SRGAP3: variants seen among roughly 807,000 people sequenced by gnomAD.
The protein encoded by SRGAP3 is SLIT-ROBO Rho GTPase activating protein 3.
SRGAP3 carries 39 observed loss-of-function variants against 121.1 expected under a neutral mutation model. That is an observed-to-expected ratio of 0.32 (90% CI 0.25 to 0.42). The LOEUF (loss-of-function observed/expected upper bound fraction) is 0.42, where lower values mean the gene tolerates loss of function less well. Ranked by LOEUF, SRGAP3 falls within the 10% of genes least tolerant of loss-of-function variation. The pLI is 1.00. For missense variants in SRGAP3, 1,213 were observed against 1,470.6 expected, an observed-to-expected ratio of 0.82 and a Z score of 2.86; for synonymous variants, 601 against 570.0, an observed-to-expected ratio of 1.05 and a Z score of -0.77.
intron 14 of SRGAP3, among the ~76,000 whole-genome samples, chr3:9,022,055 G>A (rs562408399): frequency 7.2e-5 from 11 of 152,354 alleles, no homozygotes; most frequent in South Asian, 2.1e-4. Context: ...CTGGCCAGGC[G>A]CAGTGGCTCA....
At chr3:9,044,213 T>C (rs1945147661) in intron 10 of SRGAP3, among the ~76,000 whole-genome samples, 1 of 152,166 alleles carries the variant, frequency 6.6e-6, no homozygotes. Flanking sequence ...GTCAAAAGAG[T>C]ACAGCAGTCC....
At chr3:9,052,977 T>G in intron 9 of SRGAP3, 50 bp downstream of exon 9, 1 of 1,610,408 alleles carries the variant, frequency 6.2e-7, no homozygotes. Context: ...GAAAAGTCAC[T>G]GCCAGTGGCT....
At chr3:9,119,582 A>G (rs1226083754) in intron 2 of SRGAP3, among the ~76,000 whole-genome samples, 1 of 152,142 alleles carries the variant, frequency 6.6e-6, no homozygotes, top group Non-Finnish European at 1.5e-5. Flanking sequence ...CACTCCTCCA[A>G]TGATAGGAGG....
intron 1 of SRGAP3, 54 bp downstream of exon 1, chr3:9,248,831 C>A: frequency 2.5e-6 from 4 of 1,575,712 alleles, no homozygotes; most frequent in Non-Finnish European, 3.5e-6. Flanking sequence ...GGAACCAGAA[C>A]AAGAGAAAAA....
intron 3 of SRGAP3, among the ~76,000 whole-genome samples, chr3:9,102,852 C>T (rs1421607463): frequency 6.6e-6 from 1 of 152,144 alleles, no homozygotes; most frequent in African/African-American, 2.4e-5. Context: ...GAAAAAAGAC[C>T]CTTCATTTCC....
At position 9,239,849 on chromosome 3, in the gene SRGAP3, A is replaced by T. The variant is rs1953559741; in HGVS notation, c.67+9036T>A. Among the ~76,000 whole-genome samples, 1 of 152,238 alleles carries T rather than the reference A, an allele frequency of 6.6e-6. No individual in the cohort carries two copies. The highest frequency in any genetic ancestry group is 1.5e-5 in the Non-Finnish European group (1 of 68,034). On this transcript the variant is annotated intron_variant, in intron 1 of 21. Coordinates refer to ENST00000383836, the MANE Select transcript of SRGAP3 (RefSeq NM_014850.4). This position sits in a 1 kb window ranked among gnomAD's most constrained non-coding sequence, Gnocchi z 4.0. ...CTCTCTGAGACAAGTATAAAACATT[A>T]GGGAACTGAGCCAGAGGCAAAAAGA...
At chr3:9,003,909 G>A (rs1942917736) in intron 18 of SRGAP3, among the ~76,000 whole-genome samples, 1 of 151,828 alleles carries the variant, frequency 6.6e-6, no homozygotes, top group South Asian at 2.1e-4. Context: ...AATTGGGCAA[G>A]AAAAAGAAAT....
At chr3:9,322,830 C>T (rs574865076) in intron 3 of SRGAP3, among the ~76,000 whole-genome samples, 1 of 151,902 alleles carries the variant, frequency 6.6e-6, no homozygotes, top group East Asian at 1.9e-4. Flanking sequence ...TACGGCCCAG[C>T]AATCCCATTC....
intron 3 of SRGAP3, among the ~76,000 whole-genome samples, chr3:9,082,255 T>C (rs1947281509): frequency 6.6e-6 from 1 of 152,244 alleles, no homozygotes; most frequent in Admixed American, 6.5e-5. Flanking sequence ...ATGCTTCCTG[T>C]ACAGCCTGCA....
chr3:9,124,822 G>T lies in SRGAP3; in HGVS notation c.163C>A (p.Arg55=). 1.2e-6 allele frequency: 2 copies of T among 1,614,184 alleles called. No individual in the cohort carries two copies. The highest frequency in any genetic ancestry group is 1.1e-5 in the South Asian group (1 of 91,084). Residue 55 remains arginine (R), a synonymous_variant, in exon 2 of 22, where the codon CGG becomes AGG. Transcript: ENST00000383836. ...TACTCGAGCTCAATCTCAGCTTTCC[G>T]GCGGAAAAACTCCTGGAGGTCTTGA... The part of the protein sequence containing the change: ...LLQDLQEFFR[R]KAEIELEYSR...
In SRGAP3 at chr3:9,124,862, C is replaced by T. The variant is rs767917781; in HGVS notation, c.123G>A (p.Ser41=). Reference sequence around the variant, plus strand: ...GGAGGTCTTGAAGCAGCTGCAGTCGCGACTCTGATTGCTGCTCCAGACATT... The same window carrying T: ...GGAGGTCTTGAAGCAGCTGCAGTCGTGACTCTGATTGCTGCTCCAGACATT... ...QFKCLEQQSE[S]RLQLLQDLQE... Residue 41 remains serine (S), a synonymous_variant, in exon 2 of 22, where the codon TCG becomes TCA. Coordinates refer to ENST00000383836, the MANE Select transcript of SRGAP3 (RefSeq NM_014850.4). The T allele has an allele frequency of 2.5e-6, 4 of 1,614,218 alleles. No individual in the cohort carries two copies. The highest frequency in any genetic ancestry group is 1.1e-5 in the South Asian group (1 of 91,086).
At chr3:9,119,414 C>A (rs1948922916) in intron 2 of SRGAP3, among the ~76,000 whole-genome samples, 1 of 152,184 alleles carries the variant, frequency 6.6e-6, no homozygotes, top group African/African-American at 2.4e-5. Context: ...TCCCTTCTTC[C>A]CACTCCCACA....
At chr3:9,153,661 A>G (rs912059349) in intron 1 of SRGAP3, among the ~76,000 whole-genome samples, 8 of 152,242 alleles carry the variant, frequency 5.3e-5, no homozygotes, top group African/African-American at 1.9e-4. Flanking sequence ...AACATTTAAC[A>G]CAGACATAAT....
chr3:9,102,241 A>T (rs1377826946), intron 3 of SRGAP3, among the ~76,000 whole-genome samples: 1 of 152,208 alleles, frequency 6.6e-6, no homozygotes, highest in African/African-American at 2.4e-5. Context: ...TCACCTCTGC[A>T]TATTAAAGCG....
At chr3:9,084,534 A>T (rs1947376808) in intron 3 of SRGAP3, among the ~76,000 whole-genome samples, 2 of 152,182 alleles carry the variant, frequency 1.3e-5, no homozygotes, top group South Asian at 4.1e-4. Flanking sequence ...AATTGATTGG[A>T]CTGAAGACCC....
At position 9,310,375 on chromosome 3, in the gene SRGAP3, C is replaced by T. The variant is rs140743057; in HGVS notation, n.442+15635G>A. On this transcript the variant is annotated intron_variant and non_coding_transcript_variant, in intron 3 of 3. Transcript: ENST00000490889. Reference sequence around the variant, plus strand: ...TCCCTATCTGTTGTCTTCAGCCACACAGTTTGGGTAGGAATAACCCACCTC... The same window carrying T: ...TCCCTATCTGTTGTCTTCAGCCACATAGTTTGGGTAGGAATAACCCACCTC... Among the ~76,000 whole-genome samples the T allele has an allele frequency of 1.6e-4, 25 of 152,294 alleles. No individual in the cohort carries two copies. In the East Asian group the frequency reaches 2.1e-3, roughly 13 times the overall value.
chr3:9,348,994 T>C, intron 1 of SRGAP3: 1 of 927,050 alleles, frequency 1.1e-6, no homozygotes, highest in South Asian at 1.3e-5. Flanking sequence ...TTGCAGCCCA[T>C]GGCAACAGCC....
At chr3:9,119,678 C>T (rs954521708) in intron 2 of SRGAP3, among the ~76,000 whole-genome samples, 10 of 152,212 alleles carry the variant, frequency 6.6e-5, no homozygotes, top group African/African-American at 2.4e-4. Flanking sequence ...GCTATTCCAG[C>T]TCCAGGCCTA....
chr3:9,121,454 A>T (rs550217993), intron 2 of SRGAP3, among the ~76,000 whole-genome samples: 1 of 152,308 alleles, frequency 6.6e-6, no homozygotes, highest in African/African-American at 2.4e-5. Flanking sequence ...TCAAAGGGTG[A>T]GTCCAGCCTG....
Sources: allele counts gnomAD v4.1 joint callset (sites outside exome capture counted in the v4.1 genomes callset), GRCh38; gene constraint gnomAD v4.1.1; non-coding constraint Gnocchi (gnomAD v3.1); transcripts MANE v1.5; gene names NCBI Gene and HGNC (gene_info 2026-07-23, HGNC 2026-07-21).